Variants in MRTFB observed in about 807,000 individuals in gnomAD.
MRTFB encodes myocardin related transcription factor B.
MRTFB carries 29 observed loss-of-function variants against 104.2 expected under a neutral mutation model. That is an observed-to-expected ratio of 0.28 (90% CI 0.21 to 0.38). The LOEUF (loss-of-function observed/expected upper bound fraction) is 0.38, where lower values mean the gene tolerates loss of function less well. Among genes scored for constraint, MRTFB ranks in the 10% least tolerant of loss-of-function variants. The pLI, the probability that MRTFB is intolerant of heterozygous loss-of-function variation, is 1.00. For missense variants in MRTFB, 1,270 were observed against 1,341.6 expected, an observed-to-expected ratio of 0.95 and a Z score of 0.83; for synonymous variants, 535 against 519.5, an observed-to-expected ratio of 1.03 and a Z score of -0.41.
chr16:14,073,941 G>A (rs2141782676), intron 1 of MRTFB, among the ~76,000 whole-genome samples: 1 of 152,238 alleles, frequency 6.6e-6, no homozygotes, highest in Non-Finnish European at 1.5e-5. Flanking sequence ...AATGCAAATC[G>A]AGTTAAGAAA....
rs201311229 is a variant in MRTFB, at chr16:14,247,199, T to C, written c.1939T>C (p.Cys647Arg). The change falls in exon 12 of 17, where the codon TGC becomes CGC. Residue 647 changes from cysteine to arginine, a missense_variant. Transcript: ENST00000571589. ...SIKDEASLPD[C>R]SSSRQPIPVA... ...CAAAGATGAGGCCTCACTCCCTGAC[T>C]GCTCCAGCTCCAGGCAGCCCATCCC... The C allele has an allele frequency of 4.6e-4, 735 of 1,614,024 alleles. 5 individuals carry two copies. Among genetic ancestry groups the C allele is most frequent in the Non-Finnish European group, 7.7e-5 (91 of 1,180,034 alleles).
intron 2 of MRTFB, among the ~76,000 whole-genome samples, chr16:14,111,715 G>A (rs985498822): frequency 2.6e-5 from 4 of 152,138 alleles, no homozygotes; most frequent in African/African-American, 9.7e-5. Flanking sequence ...GAAGAGGGAG[G>A]TGCTGAAGCC....
chr16:14,161,453 A>C (rs1208870474), intron 3 of MRTFB, among the ~76,000 whole-genome samples: 3 of 152,214 alleles, frequency 2.0e-5, no homozygotes, highest in African/African-American at 7.2e-5. Flanking sequence ...GATTGAACTC[A>C]TACACAAAAA....
At chr16:14,253,754 C>T (rs769454787) in intron 15 of MRTFB, among the ~76,000 whole-genome samples, 1 of 152,170 alleles carries the variant, frequency 6.6e-6, no homozygotes, top group Non-Finnish European at 1.5e-5. Flanking sequence ...CTTTGTATTC[C>T]CTGAGTACCG....
chr16:14,081,869 C>A (rs2034435246), intron 2 of MRTFB, among the ~76,000 whole-genome samples: 1 of 152,206 alleles, frequency 6.6e-6, no homozygotes, highest in Non-Finnish European at 1.5e-5. Context: ...GTGTGAGCCA[C>A]CACCTTTGTC....
intron 3 of MRTFB, among the ~76,000 whole-genome samples, chr16:14,196,163 C>T (rs1179476394): frequency 2.6e-5 from 4 of 152,138 alleles, no homozygotes; most frequent in Non-Finnish European, 4.4e-5. Context: ...GAAACATGCC[C>T]CATTTTTAGC....
intron 3 of MRTFB, among the ~76,000 whole-genome samples, chr16:14,186,521 AT>A (rs2039958530): frequency 6.6e-6 from 1 of 152,190 alleles, no homozygotes; most frequent in Non-Finnish European, 1.5e-5. Context: ...TAGAAGATTT[AT>A]TTTTAACTGC....
At chr16:14,104,274 ATGAGCACTTTCTCT>A (rs2035857173) in intron 2 of MRTFB, among the ~76,000 whole-genome samples, 1 of 152,208 alleles carries the variant, frequency 6.6e-6, no homozygotes, top group African/African-American at 2.4e-5. Context: ...TGAGCATAGA[ATGAGCACTTTCTCT>A]TTCATTACCT....
chr16:14,163,519 C>T (rs996120236), intron 3 of MRTFB, among the ~76,000 whole-genome samples: 3 of 152,108 alleles, frequency 2.0e-5, no homozygotes, highest in Non-Finnish European at 4.4e-5. Context: ...AAATAGTTCA[C>T]ATATATCTAT....
At chr16:14,057,266 GA>G in the MRTFB span, among the ~76,000 whole-genome samples, 34 of 149,952 alleles carry the variant, frequency 2.3e-4, no homozygotes, top group Admixed American at 7.3e-4. Context: ...CATATTTCCG[GA>G]AAAAAAAAAT....
At chr16:14,078,308 TTAAA>T (rs1486204873) in intron 1 of MRTFB, among the ~76,000 whole-genome samples, 1 of 152,218 alleles carries the variant, frequency 6.6e-6, no homozygotes, top group African/African-American at 2.4e-5. Flanking sequence ...CAGATGTTTG[TTAAA>T]TGAATGAATA....
chr16:14,017,453 T>C, the MRTFB span, among the ~76,000 whole-genome samples: 2 of 151,384 alleles, frequency 1.3e-5, no homozygotes, highest in Non-Finnish European at 2.9e-5. Context: ...GTGATTTTAT[T>C]ACTTGAGCTC....
intron 10 of MRTFB, among the ~76,000 whole-genome samples, chr16:14,243,252 C>G (rs1243383531): frequency 6.6e-6 from 1 of 152,174 alleles, no homozygotes; most frequent in African/African-American, 2.4e-5. Flanking sequence ...TATTTAACTT[C>G]AACAAAATTC....
chr16:14,247,355 T>C lies in MRTFB; in HGVS notation c.2095T>C (p.Tyr699His). 6.2e-7 allele frequency: 1 copy of C among 1,614,184 alleles called. No individual in the cohort carries two copies. ...GCAGCAGAGTGTCGTCTCGCAGTTT[T>C]ATGTGAGTTCCCAGGGACAGCCACC... is the stretch of plus-strand genomic sequence containing the variant. The part of the protein sequence containing the change: ...AEQQSVVSQF[Y>H]VSSQGQPPPA... Residue 699 changes from tyrosine (Y) to histidine (H), a missense_variant, in exon 12 of 17, where the codon TAT becomes CAT. Physicochemically the swap from Tyr to His is moderately conservative, Grantham distance 83 (BLOSUM62 2). Coordinates refer to ENST00000571589, the MANE Select transcript of MRTFB (RefSeq NM_001308142.2).
the MRTFB span, among the ~76,000 whole-genome samples, chr16:14,012,664 T>C: frequency 3.3e-5 from 5 of 152,256 alleles, no homozygotes; most frequent in East Asian, 7.7e-4. Flanking sequence ...GATGGTGTCA[T>C]ACCCATTTCC....
intron 3 of MRTFB, among the ~76,000 whole-genome samples, chr16:14,199,254 T>G (rs949582311): frequency 6.6e-5 from 10 of 152,342 alleles, no homozygotes; most frequent in African/African-American, 2.4e-4. Flanking sequence ...TCTGCCTTCC[T>G]TTGTTGGATC....
At chr16:14,250,590 G>A (rs2043212579) in intron 13 of MRTFB, among the ~76,000 whole-genome samples, 1 of 152,210 alleles carries the variant, frequency 6.6e-6, no homozygotes, top group Non-Finnish European at 1.5e-5. Flanking sequence ...GACCACAGCA[G>A]GTTGAGGTTT....
At chr16:14,100,968 G>C (rs1371813586) in intron 2 of MRTFB, among the ~76,000 whole-genome samples, 1 of 152,022 alleles carries the variant, frequency 6.6e-6, no homozygotes, top group Non-Finnish European at 1.5e-5. Context: ...AGTCCAACTG[G>C]AGGTTTATCA....
At chr16:14,081,588 G>A (rs950183497) in intron 2 of MRTFB, among the ~76,000 whole-genome samples, 6 of 146,060 alleles carry the variant, frequency 4.1e-5, no homozygotes, top group East Asian at 4.1e-4. Context: ...CACTGCACCC[G>A]GCCATTTGTA....
Sources: gnomAD v4.1 joint callset for allele counts (sites outside exome capture counted in the v4.1 genomes callset) on GRCh38, gnomAD v4.1.1 for gene constraint, MANE v1.5 for transcripts, NCBI Gene and HGNC (gene_info 2026-07-23, HGNC 2026-07-21) for gene names.